RANBP2: variants seen among roughly 807,000 people sequenced by gnomAD.
RANBP2 encodes RAN binding protein 2.
RANBP2 carries 57 observed loss-of-function variants against 303.6 expected under a neutral mutation model. That is an observed-to-expected ratio of 0.19 (90% CI 0.15 to 0.23). RANBP2 has a LOEUF of 0.23. Among genes scored for constraint, RANBP2 ranks in the 10% least tolerant of loss-of-function variants. RANBP2 has a pLI of 1.00. For missense variants in RANBP2, 3,138 were observed against 3,780.8 expected (o/e 0.83, Z 4.46); for synonymous variants, 1,167 against 1,301.5 (o/e 0.90, Z 2.23).
chr2:109,185,623 A>G, the RANBP2 span, among the ~76,000 whole-genome samples: 2 of 152,094 alleles, frequency 1.3e-5, no homozygotes, highest in Admixed American at 1.3e-4. Context: ...AGCCGGAGCC[A>G]AGTCCCTGGA....
the RANBP2 span, among the ~76,000 whole-genome samples, chr2:109,291,225 A>G: frequency 6.6e-6 from 1 of 152,184 alleles, no homozygotes; most frequent in African/African-American, 2.4e-5. Flanking sequence ...ATTATGGAGA[A>G]ATGCCAGAAA....
the RANBP2 span, among the ~76,000 whole-genome samples, chr2:109,196,296 G>T: frequency 6.6e-6 from 1 of 152,220 alleles, no homozygotes; most frequent in African/African-American, 2.4e-5. Flanking sequence ...CAGGCCAGCA[G>T]CCCTGGATTG....
At chr2:109,742,556 A>C in the RANBP2 span, among the ~76,000 whole-genome samples, 14 of 148,744 alleles carry the variant, frequency 9.4e-5, 2 homozygotes, top group African/African-American at 3.1e-4. Context: ...TTCCATGTTC[A>C]TGAATAGGAA....
the RANBP2 span, among the ~76,000 whole-genome samples, chr2:108,946,445 A>G: frequency 1.3e-5 from 2 of 152,242 alleles, no homozygotes; most frequent in Non-Finnish European, 2.9e-5. Context: ...TGGCAGCACC[A>G]AACAATTCTT....
chr2:109,220,561 ACTT>A, the RANBP2 span, among the ~76,000 whole-genome samples: 4 of 152,210 alleles, frequency 2.6e-5, no homozygotes, highest in African/African-American at 9.6e-5. Context: ...TATATAAAGA[ACTT>A]CTATAACTCA....
chr2:109,603,805 C>T, the RANBP2 span, among the ~76,000 whole-genome samples: 16 of 151,960 alleles, frequency 1.1e-4, no homozygotes, highest in African/African-American at 3.4e-4. Context: ...ACAGGTTGGG[C>T]GTGGTGGGTC....
At chr2:108,927,687 C>T in the RANBP2 span, among the ~76,000 whole-genome samples, 1 of 152,144 alleles carries the variant, frequency 6.6e-6, no homozygotes, top group Non-Finnish European at 1.5e-5. Context: ...TGCATAGTGA[C>T]TTCCCAGCTC....
At chr2:109,514,370 G>A in the RANBP2 span, among the ~76,000 whole-genome samples, 2 of 152,280 alleles carry the variant, frequency 1.3e-5, no homozygotes, top group South Asian at 2.1e-4. Flanking sequence ...CCGGGTGTGC[G>A]AGTGCCCACA....
the RANBP2 span, among the ~76,000 whole-genome samples, chr2:109,377,664 AG>A: frequency 1.3e-5 from 2 of 152,190 alleles, no homozygotes; most frequent in Non-Finnish European, 2.9e-5. Flanking sequence ...CCAGAAAAAT[AG>A]CAGGAGTTCC....
chr2:109,261,697 A>T, the RANBP2 span, among the ~76,000 whole-genome samples: 1 of 152,194 alleles, frequency 6.6e-6, no homozygotes, highest in East Asian at 1.9e-4. Context: ...ACTCTTATTG[A>T]ATTGGGTGTG....
chr2:108,853,807 C>G, the RANBP2 span, among the ~76,000 whole-genome samples: 1 of 139,598 alleles, frequency 7.2e-6, no homozygotes, highest in South Asian at 2.2e-4. Context: ...GTTACAGGCA[C>G]CAGCCATCCC....
chr2:109,112,707 C>T, the RANBP2 span, among the ~76,000 whole-genome samples: 4 of 152,160 alleles, frequency 2.6e-5, no homozygotes, highest in Middle Eastern at 3.4e-3. Context: ...AAGTCCTTGC[C>T]CATGCCTATG....
the RANBP2 span, among the ~76,000 whole-genome samples, chr2:109,152,827 C>G: frequency 6.6e-6 from 1 of 152,140 alleles, no homozygotes; most frequent in Non-Finnish European, 1.5e-5. Flanking sequence ...CACATGGGCC[C>G]TCTCACAGTG....
the RANBP2 span, among the ~76,000 whole-genome samples, chr2:109,328,750 C>T: frequency 6.6e-6 from 1 of 152,196 alleles, no homozygotes; most frequent in Non-Finnish European, 1.5e-5. Context: ...TCCTCTCCCC[C>T]ACATTTGTGT....
the RANBP2 span, among the ~76,000 whole-genome samples, chr2:109,112,471 G>A: frequency 3.3e-5 from 5 of 152,248 alleles, no homozygotes; most frequent in East Asian, 9.6e-4. Context: ...CCCACTTTTT[G>A]ATGGGGTTGT....
At chr2:109,611,419 A>C in the RANBP2 span, among the ~76,000 whole-genome samples, 1 of 152,180 alleles carries the variant, frequency 6.6e-6, no homozygotes, top group Non-Finnish European at 1.5e-5. Context: ...GAACATTTTC[A>C]AATCACATAT....
At chr2:109,461,015 A>G in the RANBP2 span, among the ~76,000 whole-genome samples, 1 of 152,168 alleles carries the variant, frequency 6.6e-6, no homozygotes, top group Non-Finnish European at 1.5e-5. Flanking sequence ...GTGTGATCCT[A>G]TGGAACTGCC....
chr2:109,157,020 ATT>A, the RANBP2 span, among the ~76,000 whole-genome samples: 1 of 152,210 alleles, frequency 6.6e-6, no homozygotes, highest in African/African-American at 2.4e-5. Flanking sequence ...ACTCCAGGTC[ATT>A]TTTCCATCAT....
chr2:109,246,085 G>C, the RANBP2 span, among the ~76,000 whole-genome samples: 1 of 152,194 alleles, frequency 6.6e-6, no homozygotes, highest in Non-Finnish European at 1.5e-5. Context: ...TGATAACATT[G>C]GGCAAGTTAC....
Sources: gnomAD v4.1 joint callset for allele counts (sites outside exome capture counted in the v4.1 genomes callset) on GRCh38, gnomAD v4.1.1 for gene constraint, MANE v1.5 for transcripts, NCBI Gene and HGNC (gene_info 2026-07-23, HGNC 2026-07-21) for gene names.